ARSG: variants seen among roughly 807,000 people sequenced by gnomAD.
ARSG encodes arylsulfatase G.
Under a neutral mutation model 50.5 loss-of-function variants are expected in ARSG, and 37 were observed. The observed-to-expected ratio is 0.73, with a 90% CI of 0.56 to 0.96. The LOEUF is 0.96. Among genes scored for constraint, ARSG ranks in the 50% least tolerant of loss-of-function variants. ARSG has a pLI of 0.00. For missense variants in ARSG, 629 were observed against 675.3 expected, an observed-to-expected ratio of 0.93 and a Z score of 0.76; for synonymous variants, 225 against 254.6, an observed-to-expected ratio of 0.88 and a Z score of 1.11.
intron 2 of ARSG, among the ~76,000 whole-genome samples, chr17:68,316,114 A>G (rs942121897): frequency 6.6e-6 from 1 of 152,140 alleles, no homozygotes; most frequent in African/African-American, 2.4e-5. Context: ...TGTTCCTTGA[A>G]CATATGCTTT....
At chr17:68,415,794 C>T (rs117510407) in intron 11 of ARSG, among the ~76,000 whole-genome samples, 1 of 152,042 alleles carries the variant, frequency 6.6e-6, no homozygotes, top group Non-Finnish European at 1.5e-5. Flanking sequence ...TTTTAACTGC[C>T]GTTGCTTTAA....
the ARSG span, chr17:68,451,003 C>T: frequency 3.9e-5 from 56 of 1,423,604 alleles, 2 homozygotes; most frequent in East Asian, 8.8e-4. Flanking sequence ...AAAGGTTCTC[C>T]GGGTCTTGCC....
the ARSG span, among the ~76,000 whole-genome samples, chr17:68,447,816 C>T: frequency 6.6e-6 from 1 of 151,824 alleles, no homozygotes; most frequent in Admixed American, 6.6e-5. Flanking sequence ...CATGGTGAAA[C>T]CCCATCTCTA....
At position 68,395,151 on chromosome 17, in the gene ARSG, C is replaced by T. The variant is rs149025148; in HGVS notation, c.1170C>T (p.Asp390=). 49 of 1,614,124 alleles carry T rather than the reference C, an allele frequency of 3.0e-5. No homozygotes were observed. Among genetic ancestry groups the T allele is most frequent in the African/African-American group, 2.5e-4 (19 of 75,048 alleles). ...LPQGRRFDGV[D]VSEVLFGRSQ... is the part of the protein sequence containing the mutation. ...AAGGACGGCGCTTTGATGGTGTGGA[C>T]GTCTCCGAGGTGCTCTTTGGCCGGT... The change falls in exon 10 of 12, where the codon GAC becomes GAT. Residue 390 remains aspartate, a synonymous_variant. Transcript: ENST00000621439.
chr17:68,282,927 G>A (rs1411644914), intron 1 of ARSG: 1 of 149,796 alleles, frequency 6.7e-6, no homozygotes, highest in Non-Finnish European at 1.5e-5. Context: ...CAGCCCGGGT[G>A]ACAGTGCAAG....
At chr17:68,450,257 G>A in the ARSG span, among the ~76,000 whole-genome samples, 1 of 152,228 alleles carries the variant, frequency 6.6e-6, no homozygotes, top group African/African-American at 2.4e-5. Context: ...CTGAGGACGT[G>A]GTGGGAGAAG....
chr17:68,274,087 A>G (rs371666957), intron 1 of ARSG: 5 of 1,608,504 alleles, frequency 3.1e-6, no homozygotes, highest in Non-Finnish European at 4.3e-6. Context: ...GGAAAGAACA[A>G]AACGATATTT....
the ARSG span, among the ~76,000 whole-genome samples, chr17:68,439,853 C>G: frequency 1.3e-5 from 2 of 152,154 alleles, no homozygotes; most frequent in Admixed American, 6.5e-5. Flanking sequence ...AGATGCCAAG[C>G]CTTCGTTTCT....
chr17:68,353,882 A>G (rs2078911045), intron 5 of ARSG, among the ~76,000 whole-genome samples: 1 of 151,806 alleles, frequency 6.6e-6, no homozygotes, highest in Non-Finnish European at 1.5e-5. Context: ...TTGTATTTTT[A>G]GTAGAGATGG....
At chr17:68,266,104 T>C (rs1439457465) in intron 1 of ARSG, among the ~76,000 whole-genome samples, 1 of 152,222 alleles carries the variant, frequency 6.6e-6, no homozygotes. Flanking sequence ...TGACTTTTGA[T>C]AGGCTTACTC....
At chr17:68,436,394 A>G in the ARSG span, 13 of 1,613,908 alleles carry the variant, frequency 8.1e-6, no homozygotes, top group African/African-American at 1.3e-4. Context: ...GGGAGTTTCC[A>G]TCATAAAGCA....
intron 2 of ARSG, among the ~76,000 whole-genome samples, chr17:68,333,421 AG>A (rs1325755443): frequency 6.6e-6 from 1 of 152,152 alleles, no homozygotes; most frequent in Non-Finnish European, 1.5e-5. Flanking sequence ...TGAGGTCAGG[AG>A]TTCGAGACCA....
At chr17:68,263,969 T>C (rs560095154) in intron 1 of ARSG, among the ~76,000 whole-genome samples, 1 of 152,282 alleles carries the variant, frequency 6.6e-6, no homozygotes, top group East Asian at 1.9e-4. Flanking sequence ...GTGCTTCTCC[T>C]GCCTCAGCCC....
the ARSG span, among the ~76,000 whole-genome samples, chr17:68,450,266 A>C: frequency 1.3e-5 from 2 of 152,234 alleles, no homozygotes. Flanking sequence ...TGGTGGGAGA[A>C]GGGCAGCTTT....
intron 2 of ARSG, among the ~76,000 whole-genome samples, chr17:68,323,112 A>G (rs1189945107): frequency 6.7e-6 from 1 of 149,220 alleles, no homozygotes; most frequent in Non-Finnish European, 1.5e-5. Context: ...AGAACTGGTT[A>G]TTTTTTTTTT....
intron 6 of ARSG, among the ~76,000 whole-genome samples, chr17:68,358,061 G>T (rs997469278): frequency 1.3e-5 from 2 of 151,980 alleles, no homozygotes; most frequent in Non-Finnish European, 2.9e-5. Context: ...AAATTAGCTG[G>T]GCGTGGTGAT....
the ARSG span, chr17:68,434,584 G>A: frequency 6.2e-7 from 1 of 1,614,042 alleles, no homozygotes. Context: ...AACTCATAGA[G>A]CTTTTGCCCA....
At chr17:68,376,533 T>A (rs1488677884) in intron 8 of ARSG, among the ~76,000 whole-genome samples, 3 of 151,978 alleles carry the variant, frequency 2.0e-5, no homozygotes, top group African/African-American at 7.3e-5. Context: ...TCAAGCAATC[T>A]TCCCACCTTA....
At chr17:68,284,689 T>C (rs1380770369) in intron 1 of ARSG, among the ~76,000 whole-genome samples, 15 of 152,222 alleles carry the variant, frequency 9.9e-5, no homozygotes, top group African/African-American at 3.6e-4. Flanking sequence ...CTGATCTAAC[T>C]TAGTATCATT....
Sources: gnomAD v4.1 joint callset for allele counts (sites outside exome capture counted in the v4.1 genomes callset) on GRCh38, gnomAD v4.1.1 for gene constraint, MANE v1.5 for transcripts, NCBI Gene and HGNC (gene_info 2026-07-23, HGNC 2026-07-21) for gene names.